FREM1: variants seen among roughly 807,000 people sequenced by gnomAD.
FREM1 encodes FRAS1 related extracellular matrix 1.
FREM1 carries 220 observed loss-of-function variants against 210.1 expected under a neutral mutation model. The ratio of observed to expected loss-of-function variants is 1.05; its 90% CI spans 0.94 to 1.17. The LOEUF is 1.17. FREM1 is among the 50% of genes most tolerant of loss of function. FREM1 has a pLI of 0.00. For missense variants in FREM1, 3,454 were observed against 2,675.5 expected (o/e 1.29, Z -6.42); for synonymous variants, 1,189 against 980.2 (o/e 1.21, Z -3.98).
intron 1 of FREM1, among the ~76,000 whole-genome samples, chr9:14,893,189 G>C (rs1270133037): frequency 6.6e-6 from 1 of 151,976 alleles, no homozygotes; most frequent in Non-Finnish European, 1.5e-5. Flanking sequence ...CTCTCTCTGT[G>C]GTTGAATGAA....
intron 35 of FREM1, 90 bp from the exon 36 acceptor site, chr9:14,740,324 A>T: frequency 1.1e-6 from 1 of 951,836 alleles, no homozygotes; most frequent in Non-Finnish European, 1.7e-6. Context: ...AGTAAGTTTA[A>T]AATACACAAA....
chr9:14,841,112 A>C (rs1175717697), intron 10 of FREM1, among the ~76,000 whole-genome samples: 1 of 152,216 alleles, frequency 6.6e-6, no homozygotes, highest in African/African-American at 2.4e-5. Context: ...AAACTCATGC[A>C]ACCTAACTCT....
Position 14,842,310 on chromosome 9 carries a change from A to T in FREM1, c.1738+6T>A, listed in dbSNP as rs1261117957. The T allele has an allele frequency of 2.0e-6, 3 of 1,536,022 alleles. No homozygotes were observed. The East Asian group carries it at 6.8e-5, about 35-fold the overall frequency. ...ATTCAAATGATCTTAACTGCCCAGA[A>T]CTTACCTATCAGTCCTGGCCCTGGC... On this transcript the variant is annotated splice_donor_region_variant and intron_variant, in intron 9 of 36. Coordinates refer to ENST00000380880, the MANE Select transcript of FREM1 (RefSeq NM_001379081.2).
intron 1 of FREM1, among the ~76,000 whole-genome samples, chr9:14,886,074 C>T (rs1352628381): frequency 6.6e-6 from 1 of 152,150 alleles, no homozygotes; most frequent in African/African-American, 2.4e-5. Flanking sequence ...TTAGGTCTTA[C>T]AAGTACCCTA....
intron 15 of FREM1, among the ~76,000 whole-genome samples, chr9:14,815,977 A>G (rs1820233455): frequency 6.6e-6 from 1 of 151,998 alleles, no homozygotes; most frequent in African/African-American, 2.4e-5. Flanking sequence ...CAGATTTTTC[A>G]TTTGTCAAGA....
chr9:14,860,864 C>CGTATATATACGTATATACGT lies in FREM1; in HGVS notation c.330-1381_330-1380insACGTATATACGTATATATAC, dbSNP rs1248329492. ...ATATACATATATACGTATATATACA[C>CGTATATATACGTATATACGT]ATATATATACGTATATATACACATA... is the stretch of plus-strand genomic sequence containing the variant. On this transcript the variant is annotated intron_variant, in intron 3 of 36. Coordinates refer to ENST00000380880, the MANE Select transcript of FREM1 (RefSeq NM_001379081.2). Among the ~76,000 whole-genome samples the CGTATATATACGTATATACGT allele has an allele frequency of 2.4e-4, 12 of 49,876 alleles. 2 individuals carry two copies. The highest frequency in any genetic ancestry group is 5.8e-4 in the African/African-American group (3 of 5,132). 32.7% of individuals were successfully genotyped at this position (49,876 alleles called of 152,430 possible).
At chr9:14,819,972 T>C (rs1343435464) in intron 13 of FREM1, among the ~76,000 whole-genome samples, 2 of 152,170 alleles carry the variant, frequency 1.3e-5, no homozygotes, top group East Asian at 3.9e-4. Context: ...GTGGCAAAAT[T>C]GAAGATTCCA....
intron 1 of FREM1, among the ~76,000 whole-genome samples, chr9:14,882,918 A>AAAAAAAAAAAAAAAAG (rs1835061529): frequency 1.4e-5 from 2 of 147,774 alleles, no homozygotes; most frequent in Non-Finnish European, 3.0e-5. Flanking sequence ...ATCTCAAAAA[A>AAAAAAAAAAAAAAAAG]AAAAAAAAAA....
chr9:14,860,654 CACATATAT>C (rs1829763441), intron 3 of FREM1, among the ~76,000 whole-genome samples: 1 of 138,142 alleles, frequency 7.2e-6, no homozygotes, highest in South Asian at 2.2e-4. Context: ...TACATATATA[CACATATAT>C]ACATATATAC....
At chr9:14,885,416 A>G (rs1835634586) in intron 1 of FREM1, among the ~76,000 whole-genome samples, 1 of 151,904 alleles carries the variant, frequency 6.6e-6, no homozygotes. Flanking sequence ...ATGATGTACA[A>G]CATGATTTTT....
chr9:14,877,670 T>G (rs1474054716), intron 1 of FREM1, among the ~76,000 whole-genome samples: 3 of 151,992 alleles, frequency 2.0e-5, no homozygotes, highest in Admixed American at 1.3e-4. Flanking sequence ...CAAGCCTCCA[T>G]GGATTCTACT....
At chr9:14,757,572 T>G (rs1291030539) in intron 28 of FREM1, among the ~76,000 whole-genome samples, 1 of 151,990 alleles carries the variant, frequency 6.6e-6, no homozygotes, top group South Asian at 2.1e-4. Flanking sequence ...AAAAAAAAAG[T>G]GTCTTTGGCT....
At position 14,823,447 on chromosome 9, in the gene FREM1, C is replaced by T. The variant is rs969654673; in HGVS notation, c.2170-120G>A. 4.9e-6 allele frequency: 4 copies of T among 814,374 alleles called. No individual in the cohort carries two copies. The African/African-American group carries it at 5.2e-5, about 11-fold the overall frequency. The allele number at this position is 814,374 out of a possible 1,614,324, so 50.4% of individuals were successfully genotyped here. On this transcript the variant is annotated intron_variant, in intron 12 of 36. Transcript: ENST00000380880. ...AACACTGTAAATGCCACCATCATCA[C>T]TTTGAAGATTACCAAAAGCTCTATT...
Position 14,825,423 on chromosome 9 carries a change from G to T in FREM1, c.1882-431C>A, listed in dbSNP as rs577800708. Among the ~76,000 whole-genome samples the T allele has an allele frequency of 5.3e-5, 8 of 149,676 alleles. No individual in the cohort carries two copies. The East Asian group carries it at 1.6e-3, about 29-fold the overall frequency. ...GAATCACTTGAATCCTGGAGGAGGA[G>T]GTTGCAGTGGGCTGAGATCACGCCA... On this transcript the variant is annotated intron_variant, in intron 10 of 36. Transcript: ENST00000380880.
At chr9:14,860,964 CACATATAT>C (rs1483851315) in intron 3 of FREM1, among the ~76,000 whole-genome samples, 41 of 98,516 alleles carry the variant, frequency 4.2e-4, no homozygotes, top group Non-Finnish European at 5.5e-4. Flanking sequence ...CACATATATA[CACATATAT>C]ACATATATAC....
chr9:14,893,449 G>A (rs757533217), intron 1 of FREM1, among the ~76,000 whole-genome samples: 1 of 152,128 alleles, frequency 6.6e-6, no homozygotes, highest in Non-Finnish European at 1.5e-5. Flanking sequence ...GTAACCATGT[G>A]GCCCTGCTTT....
chr9:14,792,193 C>G (rs987814039), intron 22 of FREM1, among the ~76,000 whole-genome samples: 4 of 151,154 alleles, frequency 2.6e-5, no homozygotes, highest in Admixed American at 1.3e-4. Flanking sequence ...ACCTGATTAT[C>G]ATGAAAAAAT....
chr9:14,870,910 T>C (rs1196189610), intron 1 of FREM1, among the ~76,000 whole-genome samples: 3 of 149,984 alleles, frequency 2.0e-5, no homozygotes, highest in Non-Finnish European at 3.0e-5. Flanking sequence ...CGGTGTTTGG[T>C]TTTTTGTTCC....
chr9:14,815,757 C>G (rs548996216), intron 15 of FREM1, among the ~76,000 whole-genome samples: 2 of 152,234 alleles, frequency 1.3e-5, no homozygotes, highest in South Asian at 4.1e-4. Context: ...AAGCGATTCT[C>G]CTGCCTCAGC....
Sources: gnomAD v4.1 joint callset for allele counts (sites outside exome capture counted in the v4.1 genomes callset) on GRCh38, gnomAD v4.1.1 for gene constraint, MANE v1.5 for transcripts, NCBI Gene and HGNC (gene_info 2026-07-23, HGNC 2026-07-21) for gene names.